The following NEMF variants were observed in gnomAD, a reference collection of about 807,000 sequenced individuals.
NEMF encodes ribosome quality control complex subunit NEMF.
A neutral mutation model predicts 162.2 loss-of-function variants in NEMF; 89 were observed. The ratio of observed to expected loss-of-function variants is 0.55; its 90% CI spans 0.46 to 0.65. NEMF has a LOEUF of 0.65. Among genes scored for constraint, NEMF ranks in the 30% least tolerant of loss-of-function variants. NEMF has a pLI of 0.00. For missense variants in NEMF, 1,133 were observed against 1,261.9 expected, an observed-to-expected ratio of 0.90 and a Z score of 1.55; for synonymous variants, 421 against 404.5, an observed-to-expected ratio of 1.04 and a Z score of -0.49.
rs534117245 is a variant in NEMF at position 49,828,147 on chromosome 14, C to G, written c.1488+144G>C. On this transcript the variant is annotated intron_variant, in intron 15 of 32. Transcript: ENST00000298310. ...GGAGCAGTCCTGGGGGGAAAAAATA[C>G]TGGAAATACATATATTTAAAGCAAA... 4 of 678,956 alleles carry G rather than the reference C, an allele frequency of 5.9e-6. No individual in the cohort carries two copies. In the South Asian group the frequency reaches 6.9e-5, roughly 12 times the overall value. 42.1% of individuals were successfully genotyped at this position (678,956 alleles called of 1,614,324 possible).
chr14:49,798,762 C>T (rs989553039), intron 25 of NEMF, among the ~76,000 whole-genome samples: 2 of 152,084 alleles, frequency 1.3e-5, no homozygotes, highest in African/African-American at 4.8e-5. Context: ...AAAAAATTAG[C>T]CGGGCATGGT....
chr14:49,847,269 T>C (rs1183309700), intron 3 of NEMF, among the ~76,000 whole-genome samples: 1 of 151,962 alleles, frequency 6.6e-6, no homozygotes, highest in Admixed American at 6.6e-5. Context: ...TAGCACAATC[T>C]TGGCTCACTG....
intron 26 of NEMF, 105 bp from the exon 27 acceptor site, chr14:49,789,678 T>C (rs553666794): frequency 1.4e-6 from 2 of 1,445,692 alleles, no homozygotes; most frequent in African/African-American, 1.4e-5. Context: ...CAAAAATGCT[T>C]ACTGAATAAG....
intron 20 of NEMF, 48 bp from the exon 21 acceptor site, chr14:49,802,775 T>C: frequency 6.8e-7 from 1 of 1,474,592 alleles, no homozygotes; most frequent in South Asian, 1.2e-5. Context: ...GTCTTCTCCA[T>C]TTTTTGCTTG....
At chr14:49,799,207 CAAAAAAAAAAAAAAA>C (rs780442972) in intron 25 of NEMF, among the ~76,000 whole-genome samples, 13 of 59,066 alleles carry the variant, frequency 2.2e-4, no homozygotes, top group Non-Finnish European at 2.8e-4. Context: ...GACCCTGTTT[CAAAAAAAAAAAAAAA>C]AAAAAAAAAA....
intron 16 of NEMF, among the ~76,000 whole-genome samples, chr14:49,818,025 A>G (rs1320735604): frequency 1.3e-5 from 2 of 152,086 alleles, no homozygotes; most frequent in Non-Finnish European, 2.9e-5. Flanking sequence ...ACAGAGAGGG[A>G]GAAGAGACAA....
At chr14:49,785,065 AT>A in intron 31 of NEMF, 26 bp downstream of exon 31, 3 of 1,607,922 alleles carry the variant, frequency 1.9e-6, no homozygotes, top group Non-Finnish European at 2.6e-6. Flanking sequence ...GTTTAAAATC[AT>A]AATTCAAAAA....
Position 49,782,174 on chromosome 14 carries a change from A to AAAAT in NEMF, c.*2458_*2461dup, listed in dbSNP as rs1188169073. The AAAAT allele has an allele frequency of 1.9e-6, 1 of 525,616 alleles. No individual in the cohort carries two copies. The highest frequency in any genetic ancestry group is 3.4e-6 in the Non-Finnish European group (1 of 297,044). 32.6% of individuals were successfully genotyped at this position (525,616 alleles called of 1,614,324 possible). ...CATAAATGAGAACGACCAGAGAGAG[A>AAAAT]AAATAATATCCAGATAAAATAGATA... On this transcript the variant is annotated 3_prime_UTR_variant, in exon 33 of 33. Coordinates refer to ENST00000298310, the MANE Select transcript of NEMF (RefSeq NM_004713.6).
At chr14:49,786,533 C>A (rs1024957127) in intron 29 of NEMF, 185 bp downstream of exon 29, 9 of 587,768 alleles carry the variant, frequency 1.5e-5, no homozygotes, top group African/African-American at 1.3e-4. Flanking sequence ...AACTGAGGCA[C>A]AAAGAATGTT....
At chr14:49,847,926 G>A (rs1490312977) in intron 3 of NEMF, among the ~76,000 whole-genome samples, 1 of 151,516 alleles carries the variant, frequency 6.6e-6, no homozygotes, top group Non-Finnish European at 1.5e-5. Flanking sequence ...CAGCTACTCA[G>A]GAGGCTGAGG....
At chr14:49,818,643 A>G (rs1312805983) in intron 16 of NEMF, among the ~76,000 whole-genome samples, 1 of 152,176 alleles carries the variant, frequency 6.6e-6, no homozygotes, top group African/African-American at 2.4e-5. Context: ...TTTCTCTAGA[A>G]AGGGTATAAA....
In NEMF at chr14:49,828,365, A is replaced by G. The variant is rs377203956; in HGVS notation, c.1425-11T>C. 1.1e-5 allele frequency: 17 copies of G among 1,512,316 alleles called. No homozygotes were observed. In the African/African-American group the frequency reaches 1.8e-4, roughly 16 times the overall value. 93.7% of individuals were successfully genotyped at this position (1,512,316 alleles called of 1,614,324 possible). A position where few individuals can be genotyped will look rare whatever the true frequency, so the allele number is the denominator to read the frequency against. On this transcript the variant is annotated splice_polypyrimidine_tract_variant and intron_variant, in intron 14 of 32. Transcript: ENST00000298310. The stretch of plus-strand genomic sequence containing the variant: ...TTGTGATCATAATACCTAGAAAAAC[A>G]TATTTCTCTTAAATTTTAAGTATAA...
chr14:49,851,333 T>C (rs1893764682), intron 3 of NEMF, among the ~76,000 whole-genome samples: 1 of 152,230 alleles, frequency 6.6e-6, no homozygotes, highest in East Asian at 1.9e-4. Flanking sequence ...AAGCTTGAAC[T>C]CTAATAGTGA....
At chr14:49,818,084 CTTT>C (rs983729819) in intron 16 of NEMF, among the ~76,000 whole-genome samples, 1 of 132,336 alleles carries the variant, frequency 7.6e-6, no homozygotes, top group Non-Finnish European at 1.6e-5. Context: ...AGTGATGAGA[CTTT>C]TTTTTTTTTT....
intron 26 of NEMF, among the ~76,000 whole-genome samples, chr14:49,795,103 G>C (rs1890630856): frequency 6.6e-6 from 1 of 152,020 alleles, no homozygotes; most frequent in African/African-American, 2.4e-5. Context: ...GGGAGGGTGA[G>C]GCAGGAAGAT....
chr14:49,801,954 C>CT (rs199736302), intron 22 of NEMF, among the ~76,000 whole-genome samples: 640 of 144,562 alleles, frequency 4.4e-3, no homozygotes, highest in African/African-American at 0.012. Flanking sequence ...CAATTAAATA[C>CT]TTTTTTTTTT....
chr14:49,838,924 T>A (rs1893054319), intron 5 of NEMF, among the ~76,000 whole-genome samples: 1 of 151,836 alleles, frequency 6.6e-6, no homozygotes, highest in Admixed American at 6.6e-5. Context: ...ATCAATGTGG[T>A]CCCCATACCA....
intron 4 of NEMF, among the ~76,000 whole-genome samples, chr14:49,842,851 C>A (rs924297891): frequency 2.3e-4 from 35 of 151,924 alleles, no homozygotes; most frequent in African/African-American, 8.5e-4. Context: ...ACTAAGAGTA[C>A]AAAAACTAGC....
intron 19 of NEMF, among the ~76,000 whole-genome samples, chr14:49,805,547 A>G (rs758236686): frequency 9.2e-5 from 14 of 152,236 alleles, no homozygotes; most frequent in East Asian, 1.9e-4. Flanking sequence ...CATTAACCAC[A>G]AAGAAGGGCA....
Sources: gnomAD v4.1 joint callset for allele counts (sites outside exome capture counted in the v4.1 genomes callset) on GRCh38, gnomAD v4.1.1 for gene constraint, MANE v1.5 for transcripts, NCBI Gene and HGNC (gene_info 2026-07-23, HGNC 2026-07-21) for gene names.